RAP1GAP2: variants seen among roughly 807,000 people sequenced by gnomAD.
RAP1GAP2 encodes the protein RAP1 GTPase activating protein 2, also known as rap1 GTPase-activating protein 2.
In RAP1GAP2, 27 loss-of-function variants were observed where a neutral mutation model predicts 95.0. The ratio of observed to expected loss-of-function variants is 0.28; its 90% CI spans 0.21 to 0.39. The LOEUF (loss-of-function observed/expected upper bound fraction) is 0.39, where lower values mean the gene tolerates loss of function less well. RAP1GAP2 is among the 10% of genes least tolerant of loss of function. The pLI is 1.00. For missense variants in RAP1GAP2, 771 were observed against 970.0 expected, an observed-to-expected ratio of 0.79 and a Z score of 2.72; for synonymous variants, 373 against 380.9, an observed-to-expected ratio of 0.98 and a Z score of 0.24.
upstream of RAP1GAP2, among the ~76,000 whole-genome samples, chr17:2,773,022 C>A (rs2151437120): frequency 6.6e-6 from 1 of 152,156 alleles, no homozygotes. Context: ...CCACACCTGG[C>A]TAATTTTGTA....
chr17:2,768,592 T>G (rs1267352551), intron 1 of RAP1GAP2, among the ~76,000 whole-genome samples: 4 of 149,024 alleles, frequency 2.7e-5, no homozygotes, highest in Non-Finnish European at 4.4e-5. Flanking sequence ...CTCAGGAGAC[T>G]GAGGGAGGAG....
chr17:2,912,611 A>G (rs1269862284), intron 3 of RAP1GAP2, among the ~76,000 whole-genome samples: 1 of 151,850 alleles, frequency 6.6e-6, no homozygotes, highest in East Asian at 1.9e-4. Context: ...GAGAGGACAG[A>G]TATATATTCC....
At chr17:2,922,736 A>C (rs946157817) in intron 3 of RAP1GAP2, among the ~76,000 whole-genome samples, 2 of 151,736 alleles carry the variant, frequency 1.3e-5, no homozygotes. Flanking sequence ...CTTAATAAAT[A>C]CTCACAATAG....
intron 12 of RAP1GAP2, among the ~76,000 whole-genome samples, chr17:2,992,532 CT>C (rs2151569113): frequency 6.6e-6 from 1 of 152,242 alleles, no homozygotes; most frequent in South Asian, 2.1e-4. Flanking sequence ...TGGCCCTTGA[CT>C]TTCCTTGGCC....
At chr17:2,955,979 G>A (rs541196790) in intron 3 of RAP1GAP2, among the ~76,000 whole-genome samples, 4 of 152,284 alleles carry the variant, frequency 2.6e-5, no homozygotes, top group African/African-American at 4.8e-5. Context: ...GTTAGAGGAT[G>A]GATTGTTAGA....
intron 13 of RAP1GAP2, among the ~76,000 whole-genome samples, chr17:2,996,207 C>T (rs767504133): frequency 2.0e-5 from 3 of 152,146 alleles, no homozygotes; most frequent in Non-Finnish European, 2.9e-5. Context: ...CAGCCTTGAC[C>T]TCCACTAGGG....
chr17:2,773,315 G>C (rs1242967283), upstream of RAP1GAP2, among the ~76,000 whole-genome samples: 1 of 152,192 alleles, frequency 6.6e-6, no homozygotes, highest in Non-Finnish European at 1.5e-5. Flanking sequence ...ACCCTACTAG[G>C]GGAAGCTTTT....
intron 2 of RAP1GAP2, among the ~76,000 whole-genome samples, chr17:2,878,187 T>G (rs1160130948): frequency 2.0e-5 from 3 of 152,080 alleles, no homozygotes; most frequent in Non-Finnish European, 4.4e-5. Context: ...AGCAAGGGGT[T>G]GGGTGTCAGG....
At chr17:2,931,957 C>T (rs2043169632) in intron 3 of RAP1GAP2, among the ~76,000 whole-genome samples, 1 of 152,156 alleles carries the variant, frequency 6.6e-6, no homozygotes, top group South Asian at 2.1e-4. Context: ...ATGACTCCTT[C>T]GCTGACACCG....
chr17:2,883,963 G>T (rs373655700), intron 2 of RAP1GAP2, among the ~76,000 whole-genome samples: 1 of 152,238 alleles, frequency 6.6e-6, no homozygotes, highest in Admixed American at 6.5e-5. Flanking sequence ...ACAGGCCCCT[G>T]TGGTTACCCA....
chr17:2,838,311 C>T (rs2071231720), intron 2 of RAP1GAP2, among the ~76,000 whole-genome samples: 1 of 152,132 alleles, frequency 6.6e-6, no homozygotes, highest in Non-Finnish European at 1.5e-5. Flanking sequence ...AGCCACGGCG[C>T]CCGGCCTTGT....
intron 2 of RAP1GAP2, among the ~76,000 whole-genome samples, chr17:2,837,409 T>TCC (rs2071180564): frequency 2.0e-5 from 3 of 151,730 alleles, no homozygotes; most frequent in Admixed American, 2.0e-4. Flanking sequence ...CAGGGGAGCA[T>TCC]CAAGGTACTG....
chr17:2,980,058 A>T (rs769837998), intron 8 of RAP1GAP2, among the ~76,000 whole-genome samples: 1 of 151,658 alleles, frequency 6.6e-6, no homozygotes, highest in Non-Finnish European at 1.5e-5. Flanking sequence ...CTCCTGCCTT[A>T]GCCTCCCAAG....
intron 2 of RAP1GAP2, among the ~76,000 whole-genome samples, chr17:2,801,594 G>GGTGTGTGTGT (rs1482014787): frequency 4.0e-5 from 5 of 125,960 alleles, no homozygotes; most frequent in Non-Finnish European, 6.8e-5. Context: ...AACACTCCAG[G>GGTGTGTGTGT]GTATGTGTGT....
At chr17:2,811,346 G>T (rs1415914223) in intron 2 of RAP1GAP2, among the ~76,000 whole-genome samples, 5 of 152,172 alleles carry the variant, frequency 3.3e-5, no homozygotes, top group African/African-American at 1.2e-4. Flanking sequence ...CTGCTAACTT[G>T]CGATAGGACA....
intron 3 of RAP1GAP2, among the ~76,000 whole-genome samples, chr17:2,942,925 C>G (rs4790391): frequency 2.0e-5 from 3 of 151,840 alleles, no homozygotes; most frequent in African/African-American, 4.8e-5. Context: ...TCACCACCCA[C>G]GCCTAGCTAA....
intron 12 of RAP1GAP2, among the ~76,000 whole-genome samples, chr17:2,992,381 C>G (rs911831789): frequency 6.6e-6 from 1 of 151,756 alleles, no homozygotes; most frequent in Non-Finnish European, 1.5e-5. Context: ...AGGATGGTCT[C>G]GATCTCCTGA....
At chr17:2,907,763 G>A (rs1311305397) in intron 3 of RAP1GAP2, among the ~76,000 whole-genome samples, 1 of 152,156 alleles carries the variant, frequency 6.6e-6, no homozygotes, top group Non-Finnish European at 1.5e-5. Flanking sequence ...GAGCCCCTTA[G>A]AAATGCAGAA....
At chr17:2,838,306 C>T (rs113366411) in intron 2 of RAP1GAP2, among the ~76,000 whole-genome samples, 4,292 of 152,208 alleles carry the variant, frequency 0.028, 67 homozygotes, top group Middle Eastern at 0.054. Flanking sequence ...GTGTGAGCCA[C>T]GGCGCCCGGC....
Sources: gnomAD v4.1 joint callset for allele counts (sites outside exome capture counted in the v4.1 genomes callset) on GRCh38, gnomAD v4.1.1 for gene constraint, MANE v1.5 for transcripts, NCBI Gene and HGNC (gene_info 2026-07-23, HGNC 2026-07-21) for gene names.